Variants in RBM33 observed in about 807,000 individuals in gnomAD.
RBM33 encodes the protein RNA-binding protein 33.
Under a neutral mutation model 132.6 loss-of-function variants are expected in RBM33, and 28 were observed. The observed-to-expected ratio is 0.21, with a 90% CI of 0.16 to 0.29. The LOEUF is 0.29. Ranked by LOEUF, RBM33 falls within the 10% of genes least tolerant of loss-of-function variation. The pLI is 1.00. For synonymous variants in RBM33, 634 were observed against 593.0 expected (o/e 1.07, Z -1.01); for missense variants, 1,291 against 1,518.5 (o/e 0.85, Z 2.49).
intron 7 of RBM33, among the ~76,000 whole-genome samples, chr7:155,710,033 C>T (rs1024656437): frequency 4.6e-5 from 7 of 152,204 alleles, no homozygotes; most frequent in Admixed American, 1.3e-4. Flanking sequence ...CCTCGTTCAT[C>T]TCACACTGCT....
intron 2 of RBM33, among the ~76,000 whole-genome samples, chr7:155,666,790 T>C (rs1798814543): frequency 6.6e-6 from 1 of 152,234 alleles, no homozygotes; most frequent in Non-Finnish European, 1.5e-5. Context: ...ATTTTTATTG[T>C]TTATAAGTAT....
rs555836867 is a variant in RBM33, at chr7:155,740,067, G to A, written c.2049+41G>A. 25 of 1,474,548 alleles carry A rather than the reference G, an allele frequency of 1.7e-5. No homozygotes were observed. The Middle Eastern group carries it at 5.4e-4, about 32-fold the overall frequency. 91.3% of individuals were successfully genotyped at this position (1,474,548 alleles called of 1,614,324 possible). A position where few individuals can be genotyped will look rare whatever the true frequency, so the allele number is the denominator to read the frequency against. The stretch of plus-strand genomic sequence containing the variant: ...TGTCTTCCCTGTGTCTTCCTGGGAG[G>A]CCTTTTAACTTACAGGACTTGAGGG... On this transcript the variant is annotated intron_variant, in intron 12 of 17. Coordinates refer to ENST00000401878, the MANE Select transcript of RBM33 (RefSeq NM_053043.3).
chr7:155,771,087 T>G (rs952481412), intron 16 of RBM33, among the ~76,000 whole-genome samples: 4 of 152,170 alleles, frequency 2.6e-5, no homozygotes, highest in African/African-American at 4.8e-5. Flanking sequence ...GTACGTTATG[T>G]GGGGGCTGGG....
chr7:155,685,174 GA>G, intron 5 of RBM33: 3 of 999,580 alleles, frequency 3.0e-6, no homozygotes, highest in Non-Finnish European at 4.3e-6. Flanking sequence ...AGTGTATAGT[GA>G]AAAACTTGAA....
At chr7:155,724,526 T>C (rs899316113) in intron 9 of RBM33, among the ~76,000 whole-genome samples, 3 of 152,186 alleles carry the variant, frequency 2.0e-5, no homozygotes, top group African/African-American at 7.2e-5. Context: ...AGACTCCGTG[T>C]CAAGTAAGAA....
chr7:155,749,033 G>A (rs893795659), intron 14 of RBM33, among the ~76,000 whole-genome samples: 2 of 152,178 alleles, frequency 1.3e-5, no homozygotes, highest in Admixed American at 6.5e-5. Flanking sequence ...GCAGTCATGT[G>A]ATGGGGTAAA....
At chr7:155,676,238 C>T (rs1799181700) in intron 3 of RBM33, among the ~76,000 whole-genome samples, 1 of 152,174 alleles carries the variant, frequency 6.6e-6, no homozygotes, top group Non-Finnish European at 1.5e-5. Flanking sequence ...GTTGTTAGTG[C>T]TCAGTTTTAA....
At chr7:155,717,834 CTAAAG>C (rs568580219) in intron 8 of RBM33, among the ~76,000 whole-genome samples, 4 of 152,290 alleles carry the variant, frequency 2.6e-5, no homozygotes, top group South Asian at 2.1e-4. Flanking sequence ...TGTTTATAAA[CTAAAG>C]TAAACTAAAA....
chr7:155,714,661 A>G (rs1048913397), intron 8 of RBM33, among the ~76,000 whole-genome samples: 6 of 152,142 alleles, frequency 3.9e-5, no homozygotes, highest in Non-Finnish European at 8.8e-5. Context: ...AACAGCTGCC[A>G]CTCAGAGGGG....
chr7:155,682,720 T>A (rs752556639), intron 5 of RBM33, among the ~76,000 whole-genome samples: 44 of 152,176 alleles, frequency 2.9e-4, no homozygotes, highest in Non-Finnish European at 5.7e-4. Flanking sequence ...GCGTGGAAGG[T>A]GCCTGATAGA....
At chr7:155,760,938 C>T (rs1268032661) in intron 14 of RBM33, among the ~76,000 whole-genome samples, 8 of 152,148 alleles carry the variant, frequency 5.3e-5, no homozygotes, top group African/African-American at 1.7e-4. Flanking sequence ...TGGGGGTAGC[C>T]CCTGTAAGAC....
intron 8 of RBM33, among the ~76,000 whole-genome samples, chr7:155,712,633 T>C (rs1441741376): frequency 6.6e-6 from 1 of 152,142 alleles, no homozygotes; most frequent in African/African-American, 2.4e-5. Context: ...AAGTTAGCAA[T>C]GTGGCTGTTC....
At chr7:155,666,956 T>C (rs1798817797) in intron 2 of RBM33, among the ~76,000 whole-genome samples, 1 of 152,198 alleles carries the variant, frequency 6.6e-6, no homozygotes, top group Non-Finnish European at 1.5e-5. Context: ...CCTTTCAGAC[T>C]TCCAAGAAAG....
At chr7:155,665,074 T>C in intron 1 of RBM33, 101 bp from the exon 2 acceptor site, 1 of 868,702 alleles carries the variant, frequency 1.2e-6, no homozygotes, top group Non-Finnish European at 1.8e-6. Flanking sequence ...ATTTAAAATG[T>C]CAAGTCAGGA....
chr7:155,711,149 T>C (rs1800275521), intron 7 of RBM33, 54 bp from the exon 8 acceptor site: 3 of 1,444,284 alleles, frequency 2.1e-6, no homozygotes, highest in Non-Finnish European at 2.7e-6. Context: ...GGTGAACTTT[T>C]GTTTTTTTTT....
intron 5 of RBM33, among the ~76,000 whole-genome samples, chr7:155,695,476 T>C (rs540704815): frequency 2.2e-4 from 34 of 152,306 alleles, no homozygotes; most frequent in African/African-American, 8.2e-4. Context: ...CTTTTTTTCT[T>C]TGAGACAGAG....
chr7:155,762,300 C>G (rs1802063308), intron 14 of RBM33, among the ~76,000 whole-genome samples: 1 of 152,236 alleles, frequency 6.6e-6, no homozygotes, highest in South Asian at 2.1e-4. Flanking sequence ...GTGCCTTTCC[C>G]TCTGAGGGTG....
intron 14 of RBM33, among the ~76,000 whole-genome samples, chr7:155,757,775 C>T (rs1017395827): frequency 3.2e-4 from 48 of 151,318 alleles, no homozygotes; most frequent in African/African-American, 9.5e-4. Flanking sequence ...AGCATGGTGC[C>T]GGCATCTACT....
At chr7:155,676,351 G>A (rs11767911) in intron 3 of RBM33, among the ~76,000 whole-genome samples, 97,930 of 152,034 alleles carry the variant, frequency 0.64, 32,451 homozygotes, top group South Asian at 0.77. Context: ...CCAGCTTGCA[G>A]TTCCTTCTTC....
Sources: gnomAD v4.1 joint callset for allele counts (sites outside exome capture counted in the v4.1 genomes callset) on GRCh38, gnomAD v4.1.1 for gene constraint, MANE v1.5 for transcripts, NCBI Gene and HGNC (gene_info 2026-07-23, HGNC 2026-07-21) for gene names.